The following CMYA5 variants were observed in gnomAD, a reference collection of about 807,000 sequenced individuals.
CMYA5 encodes cardiomyopathy-associated protein 5.
A neutral mutation model predicts 318.9 loss-of-function variants in CMYA5; 246 were observed. The ratio of observed to expected loss-of-function variants is 0.77; its 90% CI spans 0.70 to 0.86. The LOEUF (loss-of-function observed/expected upper bound fraction) is 0.86, where lower values mean the gene tolerates loss of function less well. CMYA5 is among the 40% of genes least tolerant of loss of function. The probability of loss-of-function intolerance (pLI) is 0.00; values close to 1 mark genes in which losing one functional copy is unlikely to be tolerated. For missense variants in CMYA5, 4,589 were observed against 4,678.2 expected (o/e 0.98, Z 0.56); for synonymous variants, 1,641 against 1,729.5 (o/e 0.95, Z 1.27).
chr5:79,712,860 A>G (rs1021054890), intron 1 of CMYA5, among the ~76,000 whole-genome samples: 1 of 152,154 alleles, frequency 6.6e-6, no homozygotes, highest in South Asian at 2.1e-4. Context: ...GGTTTATTTT[A>G]AAAAAGATCC....
In CMYA5 at chr5:79,788,515, C is replaced by T. The variant is rs563581515; in HGVS notation, c.11556-456C>T. On this transcript the variant is annotated intron_variant, in intron 9 of 12. Coordinates refer to ENST00000446378, the MANE Select transcript of CMYA5 (RefSeq NM_153610.5). ...TAGAATTCTCTTTTCTTGCCAAGATCGAGTTTGCTTTAAAAGATTTCATCT... is the reference window on the plus strand; with the variant it reads ...TAGAATTCTCTTTTCTTGCCAAGATTGAGTTTGCTTTAAAAGATTTCATCT... 3.5e-4 allele frequency among the ~76,000 whole-genome samples: 51 copies of T among 144,392 alleles called. 2 individuals carry two copies. In the South Asian group the frequency reaches 9.3e-3, roughly 26 times the overall value. 94.7% of individuals were successfully genotyped at this position (144,392 alleles called of 152,430 possible). A position where few individuals can be genotyped will look rare whatever the true frequency, so the allele number is the denominator to read the frequency against.
intron 1 of CMYA5, among the ~76,000 whole-genome samples, chr5:79,711,609 T>C (rs892080371): frequency 6.6e-6 from 1 of 152,222 alleles, no homozygotes; most frequent in Admixed American, 6.5e-5. Flanking sequence ...TATACCCTTA[T>C]AGATCATTGG....
chr5:79,713,696 G>GGA (rs70975776), intron 1 of CMYA5, among the ~76,000 whole-genome samples: 63,255 of 151,490 alleles, frequency 0.42, 13,478 homozygotes, highest in Middle Eastern at 0.55. Flanking sequence ...TTTTAACTCT[G>GGA]GAGAGAAATG....
intron 6 of CMYA5, among the ~76,000 whole-genome samples, chr5:79,758,422 C>T (rs1192912738): frequency 6.6e-6 from 1 of 151,460 alleles, no homozygotes; most frequent in Non-Finnish European, 1.5e-5. Flanking sequence ...ATCCCAGCAA[C>T]TTGGGAGGCT....
intron 9 of CMYA5, among the ~76,000 whole-genome samples, chr5:79,766,710 T>C (rs1828760997): frequency 6.6e-6 from 1 of 152,252 alleles, no homozygotes; most frequent in South Asian, 2.1e-4. Context: ...GGTTTACCAG[T>C]ATTTTATTGA....
At chr5:79,772,357 G>C (rs764718924) in intron 9 of CMYA5, among the ~76,000 whole-genome samples, 14 of 152,194 alleles carry the variant, frequency 9.2e-5, no homozygotes, top group Non-Finnish European at 1.2e-4. Flanking sequence ...AAGGGAAGTT[G>C]CACATGCGAA....
In CMYA5 at chr5:79,734,951, A is replaced by G. The variant is rs139146082; in HGVS notation, c.6186A>G (p.Ser2062=). 3.3e-4 allele frequency: 531 copies of G among 1,613,834 alleles called. 1 individual carries two copies. In the African/African-American group the frequency reaches 6.1e-3, roughly 18 times the overall value. The change falls in exon 2 of 13, where the codon TCA becomes TCG. Residue 2062 remains serine, a synonymous_variant. Coordinates refer to ENST00000446378, the MANE Select transcript of CMYA5 (RefSeq NM_153610.5). ...GCCTATCAGTGGAACAGGTGAAGTCAGAAACAATCTCCTCTTCTGTCAAAA... is the reference window on the plus strand; with the variant it reads ...GCCTATCAGTGGAACAGGTGAAGTCGGAAACAATCTCCTCTTCTGTCAAAA... ...VSGLSVEQVK[S]ETISSSVKTA... is the part of the protein sequence containing the mutation.
chr5:79,752,797 A>G lies in CMYA5; in HGVS notation c.11110+3A>G. Reference sequence around the variant, plus strand: ...CCAGATGTTAAAACAAGTGGCTGGTAAGCATTTTAATATATTAATTACCTA... The same window carrying G: ...CCAGATGTTAAAACAAGTGGCTGGTGAGCATTTTAATATATTAATTACCTA... On this transcript the variant is annotated splice_donor_region_variant and intron_variant, in intron 6 of 12. Coordinates refer to ENST00000446378, the MANE Select transcript of CMYA5 (RefSeq NM_153610.5). 1 of 1,603,172 alleles carries G rather than the reference A, an allele frequency of 6.2e-7. No homozygotes were observed. The highest frequency in any genetic ancestry group is 8.5e-7 in the Non-Finnish European group (1 of 1,170,724).
At chr5:79,697,465 T>C (rs894758937) in intron 1 of CMYA5, among the ~76,000 whole-genome samples, 2 of 152,248 alleles carry the variant, frequency 1.3e-5, no homozygotes, top group African/African-American at 4.8e-5. Flanking sequence ...ATGCTTCTGA[T>C]GAGTGAACAG....
Position 79,799,919 on chromosome 5 carries a change from A to G in CMYA5, c.*303A>G. On this transcript the variant is annotated 3_prime_UTR_variant, in exon 13 of 13. Transcript: ENST00000446378. ...AACCGAAAGAGAAAAATGGACTTCC[A>G]TCTGTTTTACTGGTAAAGGAAATCC... 4.4e-6 allele frequency: 1 copy of G among 226,888 alleles called. No homozygotes were observed. Among genetic ancestry groups the G allele is most frequent in the African/African-American group, 2.3e-5 (1 of 43,800 alleles). The allele number at this position is 226,888 out of a possible 1,614,324, so 14.1% of individuals were successfully genotyped here.
intron 1 of CMYA5, among the ~76,000 whole-genome samples, chr5:79,709,960 C>CAAAAAAAAAAAAAAAA (rs61657639): frequency 4.3e-3 from 104 of 24,294 alleles, no homozygotes; most frequent in African/African-American, 4.8e-3. Context: ...GACTCCATCT[C>CAAAAAAAAAAAAAAAA]AAAAAAAAAA....
At position 79,738,744 on chromosome 5, in the gene CMYA5, G is replaced by A; in HGVS notation, c.9979G>A (p.Glu3327Lys). 6.2e-7 allele frequency: 1 copy of A among 1,613,928 alleles called. No individual in the cohort carries two copies. The highest frequency in any genetic ancestry group is 8.5e-7 in the Non-Finnish European group (1 of 1,179,862). ...VAMQKKAPITEDVRVATQKIS... is the reference protein window; with the variant it reads ...VAMQKKAPITKDVRVATQKIS... The stretch of plus-strand genomic sequence containing the variant: ...GATGCAGAAGAAAGCTCCCATCACA[G>A]AGGACGTCAGAGTGGCTACCCAGAA... Residue 3327 changes from glutamate (E) to lysine (K), a missense_variant, in exon 2 of 13, where the codon GAG becomes AAG. Coordinates refer to ENST00000446378, the MANE Select transcript of CMYA5 (RefSeq NM_153610.5).
In CMYA5 at chr5:79,729,508, T is replaced by C; in HGVS notation, c.743T>C (p.Leu248Ser). The C allele has an allele frequency of 6.2e-7, 1 of 1,610,310 alleles. No homozygotes were observed. Among genetic ancestry groups the C allele is most frequent in the Non-Finnish European group, 8.5e-7 (1 of 1,177,896 alleles). ...ATTCCTCTACAATTTTATGGAACAT[T>C]GCCAAAGGGTTATGTAATTAAAGAA... ...ELIPLQFYGT[L>S]PKGYVIKEIH... The change falls in exon 2 of 13, where the codon TTG (leucine) becomes TCG (serine). Residue 248 changes from leucine to serine, a missense_variant. Transcript: ENST00000446378.
chr5:79,715,442 C>T (rs183840211), intron 1 of CMYA5, among the ~76,000 whole-genome samples: 6 of 152,188 alleles, frequency 3.9e-5, no homozygotes, highest in African/African-American at 1.4e-4. Flanking sequence ...CGCCCGCCAC[C>T]ACGCCCGGCT....
At position 79,694,091 on chromosome 5, in the gene CMYA5, G is replaced by A. The variant is rs139145742; in HGVS notation, c.149+4035G>A. Among the ~76,000 whole-genome samples, 14 of 152,264 alleles carry A rather than the reference G, an allele frequency of 9.2e-5. No individual in the cohort carries two copies. In the East Asian group the frequency reaches 2.7e-3, roughly 29 times the overall value. On this transcript the variant is annotated intron_variant, in intron 1 of 12. Transcript: ENST00000446378. The stretch of plus-strand genomic sequence containing the variant: ...GATGCTGGAACAGAGTAAGGTAATG[G>A]GGCGAGTGGTCAGAGTCAAAGCTAA...
intron 9 of CMYA5, among the ~76,000 whole-genome samples, chr5:79,785,143 A>G (rs1440782514): frequency 6.6e-6 from 1 of 151,486 alleles, no homozygotes; most frequent in Non-Finnish European, 1.5e-5. Context: ...TCTATTCCTG[A>G]CCTTTATAAT....
chr5:79,727,677 A>G (rs925332104), intron 1 of CMYA5, among the ~76,000 whole-genome samples: 1 of 152,228 alleles, frequency 6.6e-6, no homozygotes, highest in African/African-American at 2.4e-5. Context: ...CCCAGCCTTA[A>G]GGAGTAGGTA....
At chr5:79,771,588 A>T (rs1305314387) in intron 9 of CMYA5, among the ~76,000 whole-genome samples, 1 of 152,206 alleles carries the variant, frequency 6.6e-6, no homozygotes, top group African/African-American at 2.4e-5. Flanking sequence ...GGGAACAGTG[A>T]TGTCATCTCA....
intron 9 of CMYA5, among the ~76,000 whole-genome samples, chr5:79,766,647 G>T (rs1046474159): frequency 2.6e-5 from 4 of 152,220 alleles, no homozygotes; most frequent in Non-Finnish European, 2.9e-5. Flanking sequence ...GCATCCCAGG[G>T]ATCAAGCTGA....
Sources: allele counts gnomAD v4.1 joint callset (sites outside exome capture counted in the v4.1 genomes callset), GRCh38; gene constraint gnomAD v4.1.1; transcripts MANE v1.5; gene names NCBI Gene and HGNC (gene_info 2026-07-23, HGNC 2026-07-21).